Variants in DNAAF2 observed in about 807,000 individuals in gnomAD.
The protein encoded by DNAAF2 is protein kintoun.
Under a neutral mutation model 48.8 loss-of-function variants are expected in DNAAF2, and 58 were observed. The ratio of observed to expected loss-of-function variants is 1.19; its 90% confidence interval spans 0.96 to 1.48. DNAAF2 has a LOEUF of 1.48. Among genes scored for constraint, DNAAF2 ranks in the 40% most tolerant of loss-of-function variants. DNAAF2 has a pLI of 0.00. For synonymous variants in DNAAF2, 567 were observed against 481.2 expected (o/e 1.18, Z -2.33); for missense variants, 1,241 against 1,116.1 (o/e 1.11, Z -1.59).
intron 1 of DNAAF2, 133 bp downstream of exon 1, chr14:49,633,154 T>C: frequency 9.6e-7 from 1 of 1,040,606 alleles, no homozygotes; most frequent in South Asian, 1.6e-5. Flanking sequence ...ACTCCTGACC[T>C]CGTGATCCGC....
In DNAAF2 at chr14:49,625,479, GAATC is replaced by G; in HGVS notation, c.*59_*62del. The G allele has an allele frequency of 8.4e-7, 1 of 1,195,902 alleles. No individual in the cohort carries two copies. The highest frequency in any genetic ancestry group is 1.1e-6 in the Non-Finnish European group (1 of 911,124). The allele number at this position is 1,195,902 out of a possible 1,614,324, so 74.1% of individuals were successfully genotyped here. A position where few individuals can be genotyped will look rare whatever the true frequency, so the allele number is the denominator to read the frequency against. ...TTTAGTTTTAAGACAACAGTTAACA[GAATC>G]AATTTTAGATACAGGTATTTTTTAA... is the stretch of plus-strand genomic sequence containing the variant. On this transcript the variant is annotated 3_prime_UTR_variant, in exon 3 of 3. Transcript: ENST00000298292.
At chr14:49,628,815 A>C (rs1883078573) in intron 1 of DNAAF2, among the ~76,000 whole-genome samples, 1 of 152,232 alleles carries the variant, frequency 6.6e-6, no homozygotes, top group African/African-American at 2.4e-5. Flanking sequence ...TCCCAGATAC[A>C]AAATATAATT....
In DNAAF2 at chr14:49,634,651, T is replaced by C. The variant is rs1254868037; in HGVS notation, c.499A>G (p.Thr167Ala). The C allele has an allele frequency of 1.2e-6, 2 of 1,607,264 alleles. No homozygotes were observed. The highest frequency in any genetic ancestry group is 1.7e-6 in the Non-Finnish European group (2 of 1,179,692). Reference protein sequence around the residue: ...HEGFRQMLDATALEAVEKQFG... With the variant: ...HEGFRQMLDAAALEAVEKQFG... ...TGCTTCTCGACGGCCTCCAGGGCCGTGGCGTCCAGCATCTGGCGGAAGCCC... is the reference window on the plus strand; with the variant it reads ...TGCTTCTCGACGGCCTCCAGGGCCGCGGCGTCCAGCATCTGGCGGAAGCCC... Residue 167 changes from threonine to alanine, a missense_variant, in exon 1 of 3, where the codon ACG (threonine) becomes GCG (alanine). Transcript: ENST00000298292.
In DNAAF2 at chr14:49,635,006, G is replaced by T. The variant is rs116185352; in HGVS notation, c.144C>A (p.Asn48Lys). ...TGATCTCCGCCTCGTAGCGCCGCCG[G>T]TTCTCCGGGTCGGTGAGCTCCTCGG... ...QYAEELTDPE[N>K]RRRYEAEITA... Residue 48 changes from asparagine (N) to lysine (K), a missense_variant, in exon 1 of 3, where the codon AAC (asparagine) becomes AAA (lysine). Transcript: ENST00000298292. The T allele has an allele frequency of 1.8e-3, 2,891 of 1,568,222 alleles. 59 individuals carry two copies. In the African/African-American group the frequency reaches 0.035, roughly 19 times the overall value.
At chr14:49,629,428 G>A (rs1883094846) in intron 1 of DNAAF2, 1 of 152,414 alleles carries the variant, frequency 6.6e-6, no homozygotes, top group South Asian at 2.1e-4. Flanking sequence ...GGGACTACAG[G>A]TGCATGCCAT....
In DNAAF2 at chr14:49,634,273, G is replaced by A; in HGVS notation, c.877C>T (p.Arg293Cys). The change falls in exon 1 of 3, where the codon CGC becomes TGC. Residue 293 changes from arginine to cysteine, a missense_variant. Arg to Cys is a radical substitution (Grantham distance 180). Coordinates refer to ENST00000298292, the MANE Select transcript of DNAAF2 (RefSeq NM_018139.3). ...LVITIELPLL[R>C]SAEQAALEVT... The stretch of plus-strand genomic sequence containing the variant: ...TCCAGCGCCGCCTGCTCGGCCGAGC[G>A]CAACAGCGGCAGTTCGATGGTGATC... The A allele has an allele frequency of 1.2e-6, 2 of 1,612,164 alleles. No individual in the cohort carries two copies. The highest frequency in any genetic ancestry group is 1.7e-6 in the Non-Finnish European group (2 of 1,179,792).
At position 49,635,240 on chromosome 14, in the gene DNAAF2, G is replaced by A. The variant is rs1883316630; in HGVS notation, c.-91C>T. 2.2e-6 allele frequency: 3 copies of A among 1,372,848 alleles called. No homozygotes were observed. The highest frequency in any genetic ancestry group is 3.0e-6 in the Non-Finnish European group (3 of 992,086). The allele number at this position is 1,372,848 out of a possible 1,614,324, so 85.0% of individuals were successfully genotyped here. A position where few individuals can be genotyped will look rare whatever the true frequency, so the allele number is the denominator to read the frequency against. Reference sequence around the variant, plus strand: ...CCTCAGAGTTTCTGGGCAGCGTACAGTGACGCGGTGGAGGTCGGTAACGGC... The same window carrying A: ...CCTCAGAGTTTCTGGGCAGCGTACAATGACGCGGTGGAGGTCGGTAACGGC... On this transcript the variant is annotated 5_prime_UTR_variant, in exon 1 of 3. Transcript: ENST00000298292.
At chr14:49,632,087 C>A (rs1217075427) in intron 1 of DNAAF2, among the ~76,000 whole-genome samples, 1 of 152,162 alleles carries the variant, frequency 6.6e-6, no homozygotes, top group Non-Finnish European at 1.5e-5. Flanking sequence ...ACTTGAAAAT[C>A]GGATTAAAAT....
At chr14:49,627,886 T>A (rs576665304) in intron 2 of DNAAF2, 126 bp downstream of exon 2, 2 of 1,017,938 alleles carry the variant, frequency 2.0e-6, no homozygotes, top group East Asian at 6.1e-5. Context: ...TTTTCTTCTC[T>A]TAACATCACT....
Position 49,634,739 on chromosome 14 carries a change from G to A in DNAAF2, c.411C>T (p.Ser137=), listed in dbSNP as rs541232616. The change falls in exon 1 of 3, where the codon AGC becomes AGT. Residue 137 remains serine, a synonymous_variant. Transcript: ENST00000298292. Reference sequence around the variant, plus strand: ...AGACCACGTCGTAGACCATGTAGCGGCTGCTGCTGCGCCCCGCGTACTCGC... The same window carrying A: ...AGACCACGTCGTAGACCATGTAGCGACTGCTGCTGCGCCCCGCGTACTCGC... ...PGREYAGRSS[S]RYMVYDVVFH... 9.4e-6 allele frequency: 15 copies of A among 1,603,774 alleles called. No homozygotes were observed. The South Asian group carries it at 1.4e-4, about 15-fold the overall frequency.
rs553179519 is a variant in DNAAF2, at chr14:49,625,853, C to A, written c.2203G>T (p.Val735Phe). Reference sequence around the variant, plus strand: ...GATTTTCCAAGTATCATTTGAGAAACATCAAGAGACTCTTGTTGAAAGCAT... The same window carrying A: ...GATTTTCCAAGTATCATTTGAGAAAAATCAAGAGACTCTTGTTGAAAGCAT... Reference protein sequence around the residue: ...VTCFQQESLDVSQMILGKSQQ... With the variant: ...VTCFQQESLDFSQMILGKSQQ... The change falls in exon 3 of 3, where the codon GTT (valine) becomes TTT (phenylalanine). Residue 735 changes from valine to phenylalanine, a missense_variant. Transcript: ENST00000298292. 1.9e-6 allele frequency: 3 copies of A among 1,611,654 alleles called. No individual in the cohort carries two copies. The East Asian group carries it at 6.7e-5, about 36-fold the overall frequency.
rs1290579101 is a variant in DNAAF2, at chr14:49,634,116, G to A, written c.1034C>T (p.Thr345Met). The A allele has an allele frequency of 6.4e-7, 1 of 1,553,210 alleles. No individual in the cohort carries two copies. The highest frequency in any genetic ancestry group is 8.7e-7 in the Non-Finnish European group (1 of 1,149,422). The change falls in exon 1 of 3, where the codon ACG becomes ATG. Residue 345 changes from threonine to methionine, a missense_variant. Thr to Met is a moderately conservative substitution (Grantham distance 81). Coordinates refer to ENST00000298292, the MANE Select transcript of DNAAF2 (RefSeq NM_018139.3). ...FNKARRQLVV[T>M]LPVVLPAARR... ...CGCGGCCGGCAGCACCACTGGCAGC[G>A]TAACCACCAGCTGCCGCCGGGCCTT...
chr14:49,630,105 C>T (rs1213770199), intron 1 of DNAAF2, among the ~76,000 whole-genome samples: 1 of 151,986 alleles, frequency 6.6e-6, no homozygotes, highest in Non-Finnish European at 1.5e-5. Flanking sequence ...GTAGCATGCA[C>T]CTGTGGTCCT....
chr14:49,626,294 C>T (rs188286814), intron 2 of DNAAF2, among the ~76,000 whole-genome samples: 1 of 152,192 alleles, frequency 6.6e-6, no homozygotes, highest in Admixed American at 6.5e-5. Context: ...TCGAGACCAG[C>T]TTGGCCAACA....
At chr14:49,632,699 GC>G (rs11299236) in intron 1 of DNAAF2, among the ~76,000 whole-genome samples, 98,268 of 151,770 alleles carry the variant, frequency 0.65, 33,789 homozygotes, top group Non-Finnish European at 0.76. Context: ...ACCCGCCTTG[GC>G]CCCCCCAAAG....
rs1206645167 is a variant in DNAAF2 at position 49,634,412 on chromosome 14, C to T, written c.738G>A (p.Leu246=). ...AGCGAGGCTCGGTGGGGGCGGGCTG[C>T]AAGGCCGCTTCCGGAGGGGAGGGCG... ...PRAPSPPEAA[L]QPAPTEPRYS... is the part of the protein sequence containing the mutation. Residue 246 remains leucine (L), a synonymous_variant, in exon 1 of 3, where the codon TTG becomes TTA. Transcript: ENST00000298292. 4 of 1,576,352 alleles carry T rather than the reference C, an allele frequency of 2.5e-6. No homozygotes were observed. Among genetic ancestry groups the T allele is most frequent in the Non-Finnish European group, 2.6e-6 (3 of 1,162,138 alleles).
chr14:49,634,300 C>A lies in DNAAF2; in HGVS notation c.850G>T (p.Val284Leu). 1 of 1,612,106 alleles carries A rather than the reference C, an allele frequency of 6.2e-7. No individual in the cohort carries two copies. Among genetic ancestry groups the A allele is most frequent in the Non-Finnish European group, 8.5e-7 (1 of 1,179,788 alleles). The change falls in exon 1 of 3, where the codon GTG becomes TTG. Residue 284 changes from valine (V) to leucine (L), a missense_variant. Transcript: ENST00000298292. ...SAPSPVPHELVITIELPLLRS... is the reference protein window; with the variant it reads ...SAPSPVPHELLITIELPLLRS... Reference sequence around the variant, plus strand: ...AACAGCGGCAGTTCGATGGTGATCACCAGCTCATGGGGCACGGGGCTCGGG... The same window carrying A: ...AACAGCGGCAGTTCGATGGTGATCAACAGCTCATGGGGCACGGGGCTCGGG...
At position 49,625,330 on chromosome 14, in the gene DNAAF2, C is replaced by A. The variant is rs564891226; in HGVS notation, c.*212G>T. On this transcript the variant is annotated 3_prime_UTR_variant, in exon 3 of 3. Coordinates refer to ENST00000298292, the MANE Select transcript of DNAAF2 (RefSeq NM_018139.3). ...CTATTACAGGAATCACAAAACTTAT[C>A]TCCATAAGGAAACTTTAAACTCCAG... is the stretch of plus-strand genomic sequence containing the variant. 6.1e-6 allele frequency: 2 copies of A among 328,958 alleles called. No homozygotes were observed. The allele number at this position is 328,958 out of a possible 1,614,324, so 20.4% of individuals were successfully genotyped here. A position where few individuals can be genotyped will look rare whatever the true frequency, so the allele number is the denominator to read the frequency against.
intron 2 of DNAAF2, 27 bp downstream of exon 2, chr14:49,627,985 C>T (rs368098744): frequency 2.0e-6 from 3 of 1,537,080 alleles, no homozygotes; most frequent in Admixed American, 4.4e-5. Context: ...TTCATTACTC[C>T]TCTATAGAGC....
Sources: allele counts gnomAD v4.1 joint callset (sites outside exome capture counted in the v4.1 genomes callset), GRCh38; gene constraint gnomAD v4.1.1; transcripts MANE v1.5; gene names NCBI Gene and HGNC (gene_info 2026-07-23, HGNC 2026-07-21).